Variants in ACOT7 observed in about 807,000 individuals in gnomAD.
The protein encoded by ACOT7 is acyl-CoA thioesterase 7.
A neutral mutation model predicts 40.2 loss-of-function variants in ACOT7; 12 were observed. The ratio of observed to expected loss-of-function variants is 0.30; its 90% confidence interval spans 0.19 to 0.48. ACOT7 has a LOEUF of 0.48. Ranked by LOEUF, ACOT7 falls within the 20% of genes least tolerant of loss-of-function variation. ACOT7 has a pLI of 0.99. For synonymous variants in ACOT7, 228 were observed against 219.5 expected (o/e 1.04, Z -0.34); for missense variants, 395 against 530.8 (o/e 0.74, Z 2.51).
At chr1:6,360,757 C>T (rs562501693) in intron 1 of ACOT7, 3 of 1,569,342 alleles carry the variant, frequency 1.9e-6, no homozygotes, top group Admixed American at 1.8e-5. Flanking sequence ...TTGGCCTCAT[C>T]CCTCCAGGCG....
Position 6,349,872 on chromosome 1 carries a change from G to A in ACOT7, c.144-6C>T. 1.2e-6 allele frequency: 2 copies of A among 1,613,574 alleles called. No individual in the cohort carries two copies. The highest frequency in any genetic ancestry group is 1.3e-5 in the African/African-American group (1 of 75,068). On this transcript the variant is annotated splice_polypyrimidine_tract_variant and splice_region_variant and intron_variant, in intron 1 of 8. Transcript: ENST00000361521. ...CATCATCTGGCCGCATGATCCTAGG[G>A]CAGAGGAGAAGCAGGATGAGGCCTC...
intron 4 of ACOT7, among the ~76,000 whole-genome samples, chr1:6,332,777 C>T (rs376534720): frequency 4.0e-5 from 6 of 151,456 alleles, no homozygotes; most frequent in South Asian, 2.1e-4. Flanking sequence ...GCCGAGATCG[C>T]GCCACTGCAC....
chr1:6,286,583 C>G (rs1639510005), intron 7 of ACOT7, among the ~76,000 whole-genome samples: 1 of 152,166 alleles, frequency 6.6e-6, no homozygotes, highest in South Asian at 2.1e-4. Flanking sequence ...AGGGACAAGC[C>G]AGGAGACTGC....
At chr1:6,343,504 C>T (rs1368438975) in intron 2 of ACOT7, among the ~76,000 whole-genome samples, 3 of 152,266 alleles carry the variant, frequency 2.0e-5, no homozygotes, top group Non-Finnish European at 2.9e-5. Flanking sequence ...CTGGTTTGCA[C>T]GGGCTTGTCC....
chr1:6,363,273 G>T (rs893173251), intron 1 of ACOT7, among the ~76,000 whole-genome samples: 1 of 152,186 alleles, frequency 6.6e-6, no homozygotes, highest in African/African-American at 2.4e-5. Context: ...CTGGGAAGAC[G>T]CCCGTTGCCA....
In ACOT7 at chr1:6,352,550, C is replaced by T. The variant is rs1641620668; in HGVS notation, c.144-2684G>A. Reference sequence around the variant, plus strand: ...CAGGCAGGGGTGAGAGCCAGGGAGCCAGGGAAGCTGCTGCGTCTCACTGGA... The same window carrying T: ...CAGGCAGGGGTGAGAGCCAGGGAGCTAGGGAAGCTGCTGCGTCTCACTGGA... On this transcript the variant is annotated intron_variant, in intron 1 of 8. Transcript: ENST00000361521. This position sits in a 1 kb window ranked among gnomAD's most constrained non-coding sequence, Gnocchi z 4.5. Among the ~76,000 whole-genome samples, 1 of 152,148 alleles carries T rather than the reference C, an allele frequency of 6.6e-6. No homozygotes were observed. The highest frequency in any genetic ancestry group is 2.4e-5 in the African/African-American group (1 of 41,428).
In ACOT7 at chr1:6,289,807, G is replaced by C. The variant is rs2148389616; in HGVS notation, c.829+5057C>G. The stretch of plus-strand genomic sequence containing the variant: ...AGCATCCTAAGTAGCCAAAACTACA[G>C]GCTTGAGCCATCGTGCCCAGGCCCA... On this transcript the variant is annotated intron_variant, in intron 7 of 8. Coordinates refer to ENST00000361521, the MANE Select transcript of ACOT7 (RefSeq NM_007274.4). The surrounding 1 kb of genome is among the most constrained non-coding windows in gnomAD (Gnocchi z 4.6). 1.3e-5 allele frequency among the ~76,000 whole-genome samples: 2 copies of C among 152,302 alleles called. No individual in the cohort carries two copies. The highest frequency in any genetic ancestry group is 4.1e-4 in the South Asian group (2 of 4,824).
rs1641607371 is a variant in ACOT7 at position 6,352,063 on chromosome 1, G to C, written c.144-2197C>G. ...CTGGCCGCCTTTCTTCGGCACCTTG[G>C]GTCCTGCACCAAGGACCATCCTAAC... On this transcript the variant is annotated intron_variant, in intron 1 of 8. Coordinates refer to ENST00000361521, the MANE Select transcript of ACOT7 (RefSeq NM_007274.4). The surrounding 1 kb of genome is among the most constrained non-coding windows in gnomAD (Gnocchi z 4.5). 6.6e-6 allele frequency among the ~76,000 whole-genome samples: 1 copy of C among 152,064 alleles called. No homozygotes were observed. The highest frequency in any genetic ancestry group is 2.4e-5 in the African/African-American group (1 of 41,398).
Position 6,333,466 on chromosome 1 carries a change from G to A in ACOT7, c.510+11C>T, listed in dbSNP as rs1641015605. On this transcript the variant is annotated intron_variant, in intron 4 of 8. Coordinates refer to ENST00000361521, the MANE Select transcript of ACOT7 (RefSeq NM_007274.4). ...TCTGCCCCCAAGAGAGAAGTAGAAAGGGCACCTTACCACAACAGGAGGCAC... is the reference window on the plus strand; with the variant it reads ...TCTGCCCCCAAGAGAGAAGTAGAAAAGGCACCTTACCACAACAGGAGGCAC... The A allele has an allele frequency of 1.2e-6, 2 of 1,614,060 alleles. No individual in the cohort carries two copies. The highest frequency in any genetic ancestry group is 3.3e-5 in the Admixed American group (2 of 60,024).
chr1:6,266,645 A>G (rs1326057122), intron 8 of ACOT7, among the ~76,000 whole-genome samples: 2 of 152,262 alleles, frequency 1.3e-5, no homozygotes, highest in Non-Finnish European at 2.9e-5. Context: ...GGTCAAAGCC[A>G]CCAGGATGGG....
chr1:6,286,996 C>T (rs906570719), intron 7 of ACOT7, among the ~76,000 whole-genome samples: 1 of 152,196 alleles, frequency 6.6e-6, no homozygotes, highest in Non-Finnish European at 1.5e-5. Flanking sequence ...GCATGTTAGC[C>T]AGGATGGTCT....
chr1:6,294,735 G>A lies in ACOT7; in HGVS notation c.829+129C>T. 1 of 681,774 alleles carries A rather than the reference G, an allele frequency of 1.5e-6. No individual in the cohort carries two copies. The highest frequency in any genetic ancestry group is 2.6e-6 in the Non-Finnish European group (1 of 388,358). 42.2% of individuals were successfully genotyped at this position (681,774 alleles called of 1,614,324 possible). Reference sequence around the variant, plus strand: ...ACAAAGAAAGAAACCTCAGCTTCCTGTTCCCTGTGGCAGATGGGCACACAC... The same window carrying A: ...ACAAAGAAAGAAACCTCAGCTTCCTATTCCCTGTGGCAGATGGGCACACAC... On this transcript the variant is annotated intron_variant, in intron 7 of 8. Transcript: ENST00000361521. The surrounding 1 kb of genome is among the most constrained non-coding windows in gnomAD (Gnocchi z 4.6).
intron 6 of ACOT7, among the ~76,000 whole-genome samples, chr1:6,307,290 G>A (rs1640183531): frequency 6.6e-6 from 1 of 152,236 alleles, no homozygotes; most frequent in Non-Finnish European, 1.5e-5. Context: ...TCTGGGTGGG[G>A]CTGACTGCGC....
At chr1:6,337,114 G>A (rs776227453) in intron 3 of ACOT7, among the ~76,000 whole-genome samples, 6 of 152,250 alleles carry the variant, frequency 3.9e-5, no homozygotes, top group Non-Finnish European at 7.3e-5. Context: ...AGCCTCACGC[G>A]CACGACAGCG....
intron 6 of ACOT7, among the ~76,000 whole-genome samples, chr1:6,305,323 C>CA (rs1640108933): frequency 1.6e-5 from 2 of 127,750 alleles, no homozygotes; most frequent in Non-Finnish European, 3.6e-5. Flanking sequence ...GTAGGGGCGG[C>CA]CGGGCAGAGG....
At chr1:6,276,114 G>T (rs1639181512) in intron 8 of ACOT7, among the ~76,000 whole-genome samples, 2 of 152,196 alleles carry the variant, frequency 1.3e-5, no homozygotes, top group South Asian at 2.1e-4. Context: ...TCCTCCTCAG[G>T]CCCAGGCTGG....
At chr1:6,379,322 T>C (rs112177473) in intron 1 of ACOT7, among the ~76,000 whole-genome samples, 2 of 152,054 alleles carry the variant, frequency 1.3e-5, no homozygotes, top group African/African-American at 4.8e-5. Context: ...AGCAAGTAGC[T>C]CCACCTCTAA....
intron 1 of ACOT7, among the ~76,000 whole-genome samples, chr1:6,372,354 C>A (rs1169648990): frequency 6.6e-6 from 1 of 152,184 alleles, no homozygotes; most frequent in Non-Finnish European, 1.5e-5. Context: ...CACTAAAATT[C>A]TTCTTCTCCG....
chr1:6,312,288 T>A (rs1640359127), intron 6 of ACOT7, among the ~76,000 whole-genome samples: 1 of 152,158 alleles, frequency 6.6e-6, no homozygotes, highest in Non-Finnish European at 1.5e-5. Flanking sequence ...CACAACAGGG[T>A]GACCACAGTC....
Sources: allele counts gnomAD v4.1 joint callset (sites outside exome capture counted in the v4.1 genomes callset), GRCh38; gene constraint gnomAD v4.1.1; non-coding constraint Gnocchi (gnomAD v3.1); transcripts MANE v1.5; gene names NCBI Gene and HGNC (gene_info 2026-07-23, HGNC 2026-07-21).